Variants in UVRAG observed in about 807,000 individuals in gnomAD.
UVRAG encodes UV radiation resistance-associated gene protein.
Under a neutral mutation model 78.0 loss-of-function variants are expected in UVRAG, and 19 were observed. That is an observed-to-expected ratio of 0.24 (90% confidence interval 0.17 to 0.36). The LOEUF (loss-of-function observed/expected upper bound fraction) is 0.36, where lower values mean the gene tolerates loss of function less well. UVRAG is among the 10% of genes least tolerant of loss of function. UVRAG has a pLI of 1.00. For missense variants in UVRAG, 740 were observed against 853.8 expected, an observed-to-expected ratio of 0.87 and a Z score of 1.66; for synonymous variants, 323 against 324.6, an observed-to-expected ratio of 1.00 and a Z score of 0.05.
intron 5 of UVRAG, among the ~76,000 whole-genome samples, chr11:75,897,204 T>G (rs1947361432): frequency 6.6e-6 from 1 of 152,174 alleles, no homozygotes; most frequent in Non-Finnish European, 1.5e-5. Flanking sequence ...AGATTGAAGA[T>G]TTAGGTATAA....
chr11:76,079,290 C>T (rs556457207), intron 13 of UVRAG, among the ~76,000 whole-genome samples: 8 of 152,124 alleles, frequency 5.3e-5, no homozygotes, highest in Non-Finnish European at 7.4e-5. Flanking sequence ...TCGAGACCAG[C>T]CTGGGCAGCA....
intron 13 of UVRAG, among the ~76,000 whole-genome samples, chr11:76,107,337 A>G (rs141003694): frequency 4.9e-4 from 75 of 152,360 alleles, no homozygotes; most frequent in African/African-American, 1.8e-3. Flanking sequence ...AACCTGTTCA[A>G]CCTTAGGCCA....
chr11:76,069,279 G>A (rs1188653793), intron 13 of UVRAG, among the ~76,000 whole-genome samples: 1 of 152,204 alleles, frequency 6.6e-6, no homozygotes, highest in Non-Finnish European at 1.5e-5. Context: ...CCCTCTTCAT[G>A]TCACTGCTGT....
chr11:76,006,734 T>C (rs1949951462), intron 9 of UVRAG, among the ~76,000 whole-genome samples: 1 of 151,942 alleles, frequency 6.6e-6, no homozygotes, highest in African/African-American at 2.4e-5. Context: ...TTTGTTGTTT[T>C]TACTTTTTTT....
At chr11:76,013,861 T>C (rs1172130507) in intron 11 of UVRAG, among the ~76,000 whole-genome samples, 2 of 152,176 alleles carry the variant, frequency 1.3e-5, no homozygotes, top group Non-Finnish European at 2.9e-5. Flanking sequence ...CTTTTTAATA[T>C]AAAGGTTCAA....
At chr11:76,019,296 C>T (rs1002572292) in intron 12 of UVRAG, among the ~76,000 whole-genome samples, 1 of 152,228 alleles carries the variant, frequency 6.6e-6, no homozygotes, top group Non-Finnish European at 1.5e-5. Context: ...TTTGAATTCT[C>T]TGTCCGAAAG....
intron 13 of UVRAG, among the ~76,000 whole-genome samples, chr11:76,066,660 G>A (rs1041064705): frequency 2.0e-5 from 3 of 152,054 alleles, no homozygotes; most frequent in African/African-American, 2.4e-5. Context: ...TTTTAGTAGA[G>A]ACGGGGTTTC....
intron 1 of UVRAG, among the ~76,000 whole-genome samples, chr11:75,833,136 A>G (rs1163035130): frequency 1.3e-5 from 2 of 152,206 alleles, no homozygotes; most frequent in Non-Finnish European, 2.9e-5. Context: ...TTTCAAGCTT[A>G]TGGAAAAATG....
chr11:76,139,668 A>G (rs1439779990), intron 14 of UVRAG, among the ~76,000 whole-genome samples: 1 of 152,230 alleles, frequency 6.6e-6, no homozygotes, highest in Non-Finnish European at 1.5e-5. Context: ...AAGAATGTCT[A>G]GAGCTAGCAT....
Position 75,864,964 on chromosome 11 carries a change from C to T in UVRAG, c.270+3184C>T, listed in dbSNP as rs375068029. 7.9e-5 allele frequency among the ~76,000 whole-genome samples: 12 copies of T among 152,142 alleles called. No individual in the cohort carries two copies. In the East Asian group the frequency reaches 1.4e-3, roughly 17 times the overall value. On this transcript the variant is annotated intron_variant, in intron 3 of 14. Coordinates refer to ENST00000356136, the MANE Select transcript of UVRAG (RefSeq NM_003369.4). ...GAGTGGCTTGGTTTCATCACTCTGA[C>T]GTCAAAGGAGACATGGAAAAATGGA...
chr11:76,026,214 G>A (rs958162171), intron 12 of UVRAG, among the ~76,000 whole-genome samples: 2 of 152,058 alleles, frequency 1.3e-5, no homozygotes, highest in African/African-American at 2.4e-5. Context: ...AATTTTATTG[G>A]TAAAAAGCTT....
chr11:76,058,061 G>T (rs1951015795), intron 12 of UVRAG, among the ~76,000 whole-genome samples: 1 of 152,072 alleles, frequency 6.6e-6, no homozygotes, highest in Non-Finnish European at 1.5e-5. Flanking sequence ...GCTCCTGATA[G>T]TAGGTCATCC....
chr11:76,008,178 C>T (rs767851865), intron 10 of UVRAG, among the ~76,000 whole-genome samples: 3 of 151,956 alleles, frequency 2.0e-5, no homozygotes, highest in South Asian at 2.1e-4. Context: ...CCAAAGTGCT[C>T]GCATATCAGG....
At chr11:75,817,004 TTTTGTG>T (rs1590888596) in intron 1 of UVRAG, among the ~76,000 whole-genome samples, 1 of 152,028 alleles carries the variant, frequency 6.6e-6, no homozygotes, top group African/African-American at 2.4e-5. Flanking sequence ...TGTGCCCTGG[TTTTGTG>T]ATGCTGTTGG....
chr11:75,831,105 A>C (rs2135821683), intron 1 of UVRAG, among the ~76,000 whole-genome samples: 1 of 152,370 alleles, frequency 6.6e-6, no homozygotes, highest in Admixed American at 6.5e-5. Flanking sequence ...GTGTTCAAAA[A>C]ATGTTAGCTG....
intron 13 of UVRAG, among the ~76,000 whole-genome samples, chr11:76,067,511 C>T (rs1167724742): frequency 6.6e-6 from 1 of 151,970 alleles, no homozygotes; most frequent in Non-Finnish European, 1.5e-5. Context: ...AATCCCGGTA[C>T]TTTGGGAGGC....
intron 1 of UVRAG, among the ~76,000 whole-genome samples, chr11:75,845,349 A>G (rs777647349): frequency 4.8e-4 from 73 of 152,348 alleles, no homozygotes; most frequent in Non-Finnish European, 5.7e-4. Flanking sequence ...GTGAAAGTAT[A>G]AAGTAGAGCA....
At chr11:75,922,246 AT>A (rs1387763379) in intron 6 of UVRAG, among the ~76,000 whole-genome samples, 1 of 152,022 alleles carries the variant, frequency 6.6e-6, no homozygotes, top group Non-Finnish European at 1.5e-5. Context: ...TTCTCTTTAT[AT>A]GGTCATTTGG....
At chr11:76,025,532 T>A (rs1341615557) in intron 12 of UVRAG, among the ~76,000 whole-genome samples, 1 of 152,126 alleles carries the variant, frequency 6.6e-6, no homozygotes, top group Non-Finnish European at 1.5e-5. Context: ...CTTTTATAAA[T>A]CTCTAAAAGA....
Sources: allele counts gnomAD v4.1 joint callset (sites outside exome capture counted in the v4.1 genomes callset), GRCh38; gene constraint gnomAD v4.1.1; transcripts MANE v1.5; gene names NCBI Gene and HGNC (gene_info 2026-07-23, HGNC 2026-07-21).